The following ATRNL1 variants were observed in gnomAD, a reference collection of about 807,000 sequenced individuals.
The protein encoded by ATRNL1 is attractin like 1.
A neutral mutation model predicts 182.7 loss-of-function variants in ATRNL1; 95 were observed. The observed-to-expected ratio is 0.52, with a 90% confidence interval of 0.44 to 0.62. ATRNL1 has a LOEUF of 0.62. Among genes scored for constraint, ATRNL1 ranks in the 20% least tolerant of loss-of-function variants. The pLI, the probability that ATRNL1 is intolerant of heterozygous loss-of-function variation, is 0.00. For missense variants in ATRNL1, 1,471 were observed against 1,679.5 expected, an observed-to-expected ratio of 0.88 and a Z score of 2.17; for synonymous variants, 576 against 568.3, an observed-to-expected ratio of 1.01 and a Z score of -0.19.
intron 3 of ATRNL1, 21 bp downstream of exon 3, chr10:115,121,833 A>G (rs1554871734): frequency 1.6e-6 from 2 of 1,218,276 alleles, no homozygotes; most frequent in East Asian, 2.5e-5. Context: ...ATATTTAATC[A>G]GTTGCAGAAA....
chr10:115,346,329 A>G lies in ATRNL1; in HGVS notation c.3175+11910A>G, dbSNP rs190515809. 7.3e-3 allele frequency among the ~76,000 whole-genome samples: 1,117 copies of G among 152,296 alleles called. 4 individuals carry two copies. Among genetic ancestry groups the G allele is most frequent in the Non-Finnish European group, 0.011 (772 of 68,012 alleles). The stretch of plus-strand genomic sequence containing the variant: ...TTCTGTTTCTGTGAATTTGATGGCT[A>G]TAGATACCTCATGTTAAGTGGAATC... On this transcript the variant is annotated intron_variant, in intron 19 of 28. Transcript: ENST00000355044.
At chr10:115,131,398 C>A (rs934864824) in intron 5 of ATRNL1, among the ~76,000 whole-genome samples, 10 of 151,898 alleles carry the variant, frequency 6.6e-5, no homozygotes, top group Non-Finnish European at 1.5e-4. Context: ...TTGAAGGAGG[C>A]CTTGTAAATG....
intron 28 of ATRNL1, among the ~76,000 whole-genome samples, chr10:115,888,387 A>G (rs1952001788): frequency 6.6e-6 from 1 of 152,190 alleles, no homozygotes; most frequent in Admixed American, 6.5e-5. Flanking sequence ...AAGCTCCATT[A>G]GGGCAGAGAC....
intron 19 of ATRNL1, among the ~76,000 whole-genome samples, chr10:115,365,254 T>A (rs1294760406): frequency 3.9e-5 from 6 of 152,098 alleles, no homozygotes; most frequent in Admixed American, 6.5e-5. Context: ...CTTGGGAGAG[T>A]GTATGTATCG....
At chr10:115,166,514 C>T (rs1183362023) in intron 7 of ATRNL1, among the ~76,000 whole-genome samples, 2 of 151,378 alleles carry the variant, frequency 1.3e-5, no homozygotes, top group Admixed American at 6.6e-5. Flanking sequence ...CACCATTTTA[C>T]ATTTCCACCA....
chr10:115,432,208 T>G (rs1474308065), intron 21 of ATRNL1, among the ~76,000 whole-genome samples: 8 of 152,206 alleles, frequency 5.3e-5, no homozygotes, highest in African/African-American at 1.9e-4. Flanking sequence ...TATCTTACTT[T>G]TTTTGTACTA....
chr10:115,171,126 A>C lies in ATRNL1; in HGVS notation c.1182A>C (p.Ser394=). The C allele has an allele frequency of 3.7e-6, 6 of 1,610,566 alleles. No homozygotes were observed. Among genetic ancestry groups the C allele is most frequent in the Non-Finnish European group, 5.1e-6 (6 of 1,177,694 alleles). The part of the protein sequence containing the change: ...ELWVFNIHSQ[S]WSTKTPTVLG... ...GGGTTTTTAACATACATAGTCAGTC[A>C]TGGAGTACAAAAACTCCTACTGTTC... Residue 394 remains serine (S), a synonymous_variant, in exon 8 of 29, where the codon TCA becomes TCC. Transcript: ENST00000355044.
chr10:115,309,035 T>C (rs920878274), intron 17 of ATRNL1, among the ~76,000 whole-genome samples: 6 of 152,170 alleles, frequency 3.9e-5, no homozygotes, highest in African/African-American at 7.2e-5. Context: ...TTTATGTTTC[T>C]GTATAATTTG....
At chr10:115,371,056 G>A (rs1307850797) in intron 19 of ATRNL1, among the ~76,000 whole-genome samples, 1 of 152,186 alleles carries the variant, frequency 6.6e-6, no homozygotes, top group South Asian at 2.1e-4. Flanking sequence ...CCAAGCTGTG[G>A]CAACTTTCAT....
chr10:115,582,784 C>T (rs1453412113), intron 26 of ATRNL1, among the ~76,000 whole-genome samples: 2 of 150,078 alleles, frequency 1.3e-5, no homozygotes, highest in East Asian at 2.0e-4. Context: ...CTTTTGTTGC[C>T]ATTGCTTTTG....
intron 27 of ATRNL1, among the ~76,000 whole-genome samples, chr10:115,750,958 G>C (rs1555070487): frequency 6.6e-6 from 1 of 152,016 alleles, no homozygotes; most frequent in East Asian, 1.9e-4. Context: ...AAACATACTT[G>C]TGGTAAGCAG....
intron 24 of ATRNL1, among the ~76,000 whole-genome samples, chr10:115,508,770 A>G (rs1343451426): frequency 1.3e-5 from 2 of 152,016 alleles, no homozygotes; most frequent in Non-Finnish European, 2.9e-5. Context: ...ATGAGGTTTA[A>G]GTAAGGAAGC....
At chr10:115,529,982 C>G (rs1021366072) in intron 25 of ATRNL1, among the ~76,000 whole-genome samples, 7 of 152,090 alleles carry the variant, frequency 4.6e-5, no homozygotes, top group Admixed American at 3.9e-4. Flanking sequence ...TGGAATCGTA[C>G]AATATGTGTT....
At chr10:115,663,359 A>G (rs74158222) in intron 26 of ATRNL1, among the ~76,000 whole-genome samples, 1,772 of 152,214 alleles carry the variant, frequency 0.012, 36 homozygotes, top group African/African-American at 0.04. Context: ...CATTTTTACT[A>G]TACTTTAAAT....
chr10:115,366,853 C>A (rs1257092406), intron 19 of ATRNL1, among the ~76,000 whole-genome samples: 1 of 144,756 alleles, frequency 6.9e-6, no homozygotes, highest in Non-Finnish European at 1.5e-5. Context: ...GGCCCCCACT[C>A]TCTTCTGGCT....
At chr10:115,646,416 G>A in intron 26 of ATRNL1, among the ~76,000 whole-genome samples, 1 of 152,036 alleles carries the variant, frequency 6.6e-6, no homozygotes, top group Non-Finnish European at 1.5e-5. Flanking sequence ...AAAGACCCCT[G>A]TTCTTTCCAT....
intron 20 of ATRNL1, among the ~76,000 whole-genome samples, chr10:115,395,954 C>T (rs1441195015): frequency 6.6e-6 from 1 of 151,570 alleles, no homozygotes; most frequent in African/African-American, 2.4e-5. Flanking sequence ...ATAATAATTA[C>T]AGAAACATAG....
chr10:115,163,768 A>G (rs115564689), intron 6 of ATRNL1, among the ~76,000 whole-genome samples: 153 of 152,308 alleles, frequency 1.0e-3, no homozygotes, highest in African/African-American at 3.4e-3. Context: ...TTACAGAAAT[A>G]GTTTGTACAG....
intron 28 of ATRNL1, among the ~76,000 whole-genome samples, chr10:115,906,825 TAA>T (rs1384482983): frequency 4.0e-5 from 6 of 151,640 alleles, no homozygotes; most frequent in South Asian, 2.1e-4. Context: ...ATACTTTTTT[TAA>T]AAAAAAATCA....
Sources: gnomAD v4.1 joint callset for allele counts (sites outside exome capture counted in the v4.1 genomes callset) on GRCh38, gnomAD v4.1.1 for gene constraint, MANE v1.5 for transcripts, NCBI Gene and HGNC (gene_info 2026-07-23, HGNC 2026-07-21) for gene names.